Variants in SLFN12L observed in about 807,000 individuals in gnomAD.
The protein encoded by SLFN12L is schlafen family member 12-like.
SLFN12L carries 34 observed loss-of-function variants against 34.8 expected under a neutral mutation model. The ratio of observed to expected loss-of-function variants is 0.98; its 90% CI spans 0.74 to 1.30. The LOEUF (loss-of-function observed/expected upper bound fraction) is 1.30, where lower values mean the gene tolerates loss of function less well. SLFN12L is among the 50% of genes most tolerant of loss of function. The pLI is 0.00. For synonymous variants in SLFN12L, 259 were observed against 247.5 expected (o/e 1.05, Z -0.44); for missense variants, 703 against 696.2 (o/e 1.01, Z -0.11).
chr17:35,491,260 C>G, intron 2 of SLFN12L: 1 of 1,021,108 alleles, frequency 9.8e-7, no homozygotes, highest in Non-Finnish European at 1.4e-6. Context: ...CATGTGAACT[C>G]TCCTTAAAAA....
At chr17:35,526,328 G>T (rs2072334959) in intron 1 of SLFN12L, among the ~76,000 whole-genome samples, 1 of 152,088 alleles carries the variant, frequency 6.6e-6, no homozygotes, top group Non-Finnish European at 1.5e-5. Context: ...GGATATTCAG[G>T]ACTTCAACTC....
At chr17:35,494,050 A>T (rs1449459231) in intron 2 of SLFN12L, among the ~76,000 whole-genome samples, 4 of 152,186 alleles carry the variant, frequency 2.6e-5, no homozygotes, top group African/African-American at 9.7e-5. Flanking sequence ...ATTTGAAGGA[A>T]GATGACTTGC....
At chr17:35,477,566 C>T (rs1230434111) in intron 4 of SLFN12L, among the ~76,000 whole-genome samples, 1 of 152,002 alleles carries the variant, frequency 6.6e-6, no homozygotes, top group African/African-American at 2.4e-5. Flanking sequence ...CTGTGAATTG[C>T]TCCTAGAAAT....
chr17:35,534,662 A>G (rs1030251930), intron 1 of SLFN12L, among the ~76,000 whole-genome samples: 1 of 151,868 alleles, frequency 6.6e-6, no homozygotes, highest in Non-Finnish European at 1.5e-5. Context: ...TATTATTTCA[A>G]TTGCTCCTCT....
At chr17:35,535,501 T>TA (rs1474097582) in intron 1 of SLFN12L, among the ~76,000 whole-genome samples, 2 of 149,580 alleles carry the variant, frequency 1.3e-5, no homozygotes, top group Non-Finnish European at 3.0e-5. Flanking sequence ...TTTTTTTTTT[T>TA]AAAGCAACAG....
intron 1 of SLFN12L, among the ~76,000 whole-genome samples, chr17:35,523,714 C>T (rs2072304841): frequency 6.6e-6 from 1 of 152,128 alleles, no homozygotes; most frequent in Non-Finnish European, 1.5e-5. Flanking sequence ...GATGGGTGAT[C>T]ACTTGAGCCC....
chr17:35,511,067 T>C (rs1173325712), intron 2 of SLFN12L, among the ~76,000 whole-genome samples: 1 of 152,222 alleles, frequency 6.6e-6, no homozygotes, highest in Non-Finnish European at 1.5e-5. Context: ...CATGTTTATC[T>C]TATTCTATTT....
intron 2 of SLFN12L, among the ~76,000 whole-genome samples, chr17:35,512,397 G>A (rs1235903243): frequency 7.7e-6 from 1 of 129,074 alleles, no homozygotes; most frequent in Admixed American, 9.6e-5. Flanking sequence ...ACGGAGTCTC[G>A]CTCTGTCGCC....
At chr17:35,490,041 C>G in intron 2 of SLFN12L, 1 of 1,604,058 alleles carries the variant, frequency 6.2e-7, no homozygotes, top group Admixed American at 1.7e-5. Flanking sequence ...TCCACCACCT[C>G]CTGTTCCCTC....
At chr17:35,488,840 C>A (rs1044316057) in intron 2 of SLFN12L, among the ~76,000 whole-genome samples, 1 of 152,038 alleles carries the variant, frequency 6.6e-6, no homozygotes, top group South Asian at 2.1e-4. Context: ...GAGGCAGAGG[C>A]GGGCGGATCA....
rs35473316 is a variant in SLFN12L at position 35,470,672 on chromosome 17, C to CT, written c.*4250dup. The CT allele has an allele frequency of 5.7e-3, 839 of 147,128 alleles. 2 individuals are homozygous for CT. Among genetic ancestry groups the CT allele is most frequent in the East Asian group, 0.021 (105 of 5,028 alleles). The allele number at this position is 147,128 out of a possible 1,614,324, so 9.1% of individuals were successfully genotyped here. A position where few individuals can be genotyped will look rare whatever the true frequency, so the allele number is the denominator to read the frequency against. ...GAACATGCTCCCACTGTTTTAAGTT[C>CT]TTTTTTTTTTTTTTAATTTTTATTA... On this transcript the variant is annotated 3_prime_UTR_variant, in exon 5 of 5. Transcript: ENST00000628453.
intron 2 of SLFN12L, among the ~76,000 whole-genome samples, chr17:35,501,074 CT>C (rs1915279207): frequency 6.6e-6 from 1 of 152,226 alleles, no homozygotes; most frequent in Non-Finnish European, 1.5e-5. Context: ...TACTACATTG[CT>C]TGGTATTCTG....
intron 3 of SLFN12L, among the ~76,000 whole-genome samples, chr17:35,478,644 T>C (rs2142127681): frequency 6.6e-6 from 1 of 152,326 alleles, no homozygotes; most frequent in Non-Finnish European, 1.5e-5. Flanking sequence ...GCATTATTCT[T>C]CTCTTATTGG....
At chr17:35,522,197 T>C in intron 2 of SLFN12L, 82 bp downstream of exon 2, 2 of 1,552,866 alleles carry the variant, frequency 1.3e-6, no homozygotes, top group Non-Finnish European at 1.7e-6. Flanking sequence ...TACCACTTAA[T>C]TTTCAAGGGA....
At chr17:35,529,245 T>C (rs1013297170) in intron 1 of SLFN12L, among the ~76,000 whole-genome samples, 1 of 152,188 alleles carries the variant, frequency 6.6e-6, no homozygotes, top group Non-Finnish European at 1.5e-5. Flanking sequence ...ACACTGTTGA[T>C]GGGAGTGTAA....
intron 2 of SLFN12L, chr17:35,491,384 ACATTTT>A (rs951210495): frequency 2.6e-6 from 1 of 379,312 alleles, no homozygotes; most frequent in Non-Finnish European, 4.7e-6. Context: ...AAGAAAGCTG[ACATTTT>A]CATGAATTTT....
At chr17:35,526,596 T>C (rs1399797475) in intron 1 of SLFN12L, among the ~76,000 whole-genome samples, 1 of 152,144 alleles carries the variant, frequency 6.6e-6, no homozygotes, top group East Asian at 1.9e-4. Flanking sequence ...AACAACCTGC[T>C]CCTGAATGAC....
intron 2 of SLFN12L, chr17:35,510,179 T>C (rs1431596580): frequency 6.6e-6 from 1 of 152,208 alleles, no homozygotes; most frequent in East Asian, 1.9e-4. Context: ...GCAATAACTA[T>C]TACATAAATC....
chr17:35,469,612 C>T lies in SLFN12L; in HGVS notation c.*5311G>A, dbSNP rs1913773365. Among the ~76,000 whole-genome samples the T allele has an allele frequency of 6.6e-6, 1 of 151,950 alleles. No individual in the cohort carries two copies. The highest frequency in any genetic ancestry group is 2.4e-5 in the African/African-American group (1 of 41,370). ...CCACCCCAGGTTTCTTACGATGATG[C>T]CAAATAGGCCCAGGGGCAATGGGTC... On this transcript the variant is annotated 3_prime_UTR_variant, in exon 5 of 5. Transcript: ENST00000628453.
Sources: allele counts gnomAD v4.1 joint callset (sites outside exome capture counted in the v4.1 genomes callset), GRCh38; gene constraint gnomAD v4.1.1; transcripts MANE v1.5; gene names NCBI Gene and HGNC (gene_info 2026-07-23, HGNC 2026-07-21).